Variants in RTN4RL2 observed in about 807,000 individuals in gnomAD.
RTN4RL2 encodes the protein reticulon-4 receptor-like 2.
Under a neutral mutation model 27.8 loss-of-function variants are expected in RTN4RL2, and 9 were observed. That is an observed-to-expected ratio of 0.32 (90% CI 0.20 to 0.57). The LOEUF (loss-of-function observed/expected upper bound fraction) is 0.57, where lower values mean the gene tolerates loss of function less well. Ranked by LOEUF, RTN4RL2 falls within the 20% of genes least tolerant of loss-of-function variation. RTN4RL2 has a pLI of 0.90. For synonymous variants in RTN4RL2, 285 were observed against 297.9 expected, an observed-to-expected ratio of 0.96 and a Z score of 0.45; for missense variants, 436 against 596.8, an observed-to-expected ratio of 0.73 and a Z score of 2.81.
At chr11:57,468,496 G>C in intron 2 of RTN4RL2, 4 of 1,402,780 alleles carry the variant, frequency 2.9e-6, no homozygotes, top group Non-Finnish European at 3.9e-6. Flanking sequence ...GTCTGTCTGC[G>C]TGTGTGTATC....
rs768394033 is a variant in RTN4RL2, at chr11:57,476,658, C to T, written c.1010C>T (p.Ala337Val). ...SSNHLYGVAE[A>V]GAPPADPSTL... is the part of the protein sequence containing the mutation. The stretch of plus-strand genomic sequence containing the variant: ...AACCACCTGTACGGGGTGGCCGAGG[C>T]CGGGGCGCCCCCAGCCGATCCCTCC... The change falls in exon 3 of 3, where the codon GCC (alanine) becomes GTC (valine). Residue 337 changes from alanine (A) to valine (V), a missense_variant. Ala to Val is a moderately conservative substitution (Grantham distance 64). Around this residue, in one of 3 missense-constraint regions of RTN4RL2, gnomAD observed 365 missense variants for 530.5 expected, o/e 0.69. Transcript: ENST00000335099. This position sits in a 1 kb window ranked among gnomAD's most constrained non-coding sequence, Gnocchi z 8.2. 4 of 1,408,070 alleles carry T rather than the reference C, an allele frequency of 2.8e-6. No homozygotes were observed. The highest frequency in any genetic ancestry group is 3.7e-6 in the Non-Finnish European group (4 of 1,089,464). 87.2% of individuals were successfully genotyped at this position (1,408,070 alleles called of 1,614,324 possible). A position where few individuals can be genotyped will look rare whatever the true frequency, so the allele number is the denominator to read the frequency against.
At chr11:57,471,684 G>A (rs1220526142) in intron 2 of RTN4RL2, among the ~76,000 whole-genome samples, 2 of 152,224 alleles carry the variant, frequency 1.3e-5, no homozygotes, top group Non-Finnish European at 2.9e-5. Context: ...GAATGGGGAA[G>A]GGCCAGGCAC....
At position 57,460,565 on chromosome 11, in the gene RTN4RL2, C is replaced by T. The variant is rs746005054; in HGVS notation, c.-301C>T. 37 of 166,012 alleles carry T rather than the reference C, an allele frequency of 2.2e-4. No individual in the cohort carries two copies. The highest frequency in any genetic ancestry group is 3.7e-4 in the Non-Finnish European group (29 of 77,402). The allele number at this position is 166,012 out of a possible 1,614,324, so 10.3% of individuals were successfully genotyped here. ...CTAGCAGCCTGGGCACACGGACAGA[C>T]GGACTGACGGACTCTCGAGCGGACA... On this transcript the variant is annotated 5_prime_UTR_variant, in exon 1 of 3. In the 5' UTR this introduces an upstream ATG that the reference lacks. Coordinates refer to ENST00000335099, the MANE Select transcript of RTN4RL2 (RefSeq NM_178570.3).
At chr11:57,463,206 G>T (rs1030604763) in intron 1 of RTN4RL2, among the ~76,000 whole-genome samples, 17 of 152,200 alleles carry the variant, frequency 1.1e-4, no homozygotes, top group African/African-American at 4.1e-4. Flanking sequence ...CAAATTGGGG[G>T]CCACAATATT....
chr11:57,465,767 G>GC (rs1199659778), intron 1 of RTN4RL2, among the ~76,000 whole-genome samples: 1 of 151,536 alleles, frequency 6.6e-6, no homozygotes, highest in African/African-American at 2.4e-5. Flanking sequence ...CCACTCTCTA[G>GC]CCCCCAGGCT....
At chr11:57,472,557 C>A (rs779043125) in intron 2 of RTN4RL2, among the ~76,000 whole-genome samples, 40 of 152,204 alleles carry the variant, frequency 2.6e-4, no homozygotes, top group Non-Finnish European at 5.0e-4. Context: ...CAGATCAGAT[C>A]TCAGTTTGAA....
At chr11:57,466,110 C>A (rs533320145) in intron 1 of RTN4RL2, among the ~76,000 whole-genome samples, 4 of 148,016 alleles carry the variant, frequency 2.7e-5, no homozygotes, top group Non-Finnish European at 5.9e-5. Context: ...ACACCATTAT[C>A]GTGTCTCAGC....
Position 57,477,096 on chromosome 11 carries a change from T to G in RTN4RL2, c.*185T>G. ...CTGCCCCCTGGGCTGTCCTGACTTG[T>G]GGCAGCCCCAAGAGGGCGTGTGTGG... is the stretch of plus-strand genomic sequence containing the variant. On this transcript the variant is annotated 3_prime_UTR_variant, in exon 3 of 3. Coordinates refer to ENST00000335099, the MANE Select transcript of RTN4RL2 (RefSeq NM_178570.3). 1.8e-6 allele frequency: 1 copy of G among 549,568 alleles called. No individual in the cohort carries two copies. The highest frequency in any genetic ancestry group is 3.0e-6 in the Non-Finnish European group (1 of 327,870). The allele number at this position is 549,568 out of a possible 1,614,324, so 34.0% of individuals were successfully genotyped here. A position where few individuals can be genotyped will look rare whatever the true frequency, so the allele number is the denominator to read the frequency against.
rs1430847207 is a variant in RTN4RL2 at position 57,467,746 on chromosome 11, T to C, written c.169T>C (p.Ser57Pro). Reference sequence around the variant, plus strand: ...CAACAACTTCTCCTCTGTGCCGCTGTCCCTGCCACCCAGCACTCAGCGACT... The same window carrying C: ...CAACAACTTCTCCTCTGTGCCGCTGCCCCTGCCACCCAGCACTCAGCGACT... ...QANNFSSVPL[S>P]LPPSTQRLFL... The change falls in exon 2 of 3, where the codon TCC (serine) becomes CCC (proline). Residue 57 changes from serine to proline, a missense_variant. Coordinates refer to ENST00000335099, the MANE Select transcript of RTN4RL2 (RefSeq NM_178570.3). The surrounding 1 kb of genome is among the most constrained non-coding windows in gnomAD (Gnocchi z 5.5). The C allele has an allele frequency of 1.2e-6, 2 of 1,613,550 alleles. No individual in the cohort carries two copies. Among genetic ancestry groups the C allele is most frequent in the Admixed American group, 3.3e-5 (2 of 59,970 alleles).
At chr11:57,468,858 GTTA>G (rs1218538912) in intron 2 of RTN4RL2, 2 of 927,718 alleles carry the variant, frequency 2.2e-6, no homozygotes, top group South Asian at 1.4e-5. Flanking sequence ...GTTATTCATT[GTTA>G]TTATTATTGA....
intron 1 of RTN4RL2, among the ~76,000 whole-genome samples, chr11:57,466,146 G>T (rs534261834): frequency 6.6e-6 from 1 of 151,638 alleles, no homozygotes; most frequent in African/African-American, 2.4e-5. Context: ...GACTACAGGC[G>T]CCCGCCACCA....
At chr11:57,474,653 G>A (rs1002934621) in intron 2 of RTN4RL2, among the ~76,000 whole-genome samples, 1 of 152,198 alleles carries the variant, frequency 6.6e-6, no homozygotes, top group Non-Finnish European at 1.5e-5. Flanking sequence ...TCCCTCTCTG[G>A]CAAGCCCTTA....
At position 57,476,480 on chromosome 11, in the gene RTN4RL2, C is replaced by T. The variant is rs746129231; in HGVS notation, c.832C>T (p.Arg278Cys). 2 of 1,512,018 alleles carry T rather than the reference C, an allele frequency of 1.3e-6. No individual in the cohort carries two copies. The highest frequency in any genetic ancestry group is 1.4e-5 in the African/African-American group (1 of 69,556). 93.7% of individuals were successfully genotyped at this position (1,512,018 alleles called of 1,614,324 possible). The change falls in exon 3 of 3, where the codon CGC becomes TGC. Residue 278 changes from arginine (R) to cysteine (C), a missense_variant. Coordinates refer to ENST00000335099, the MANE Select transcript of RTN4RL2 (RefSeq NM_178570.3). The surrounding 1 kb of genome is among the most constrained non-coding windows in gnomAD (Gnocchi z 8.2). The part of the protein sequence containing the change: ...RARPLWAWFQ[R>C]ARVSSSDVTC... Reference sequence around the variant, plus strand: ...GCGGCCGCTCTGGGCCTGGTTCCAGCGCGCGCGCGTGTCCAGCTCCGACGT... The same window carrying T: ...GCGGCCGCTCTGGGCCTGGTTCCAGTGCGCGCGCGTGTCCAGCTCCGACGT...
chr11:57,464,713 T>C (rs1188834380), intron 1 of RTN4RL2, among the ~76,000 whole-genome samples: 2 of 152,086 alleles, frequency 1.3e-5, no homozygotes, highest in East Asian at 1.9e-4. Context: ...CTTTGCGGCT[T>C]TGAAATCTCC....
At chr11:57,466,534 C>T (rs73476769) in intron 1 of RTN4RL2, among the ~76,000 whole-genome samples, 4,047 of 152,296 alleles carry the variant, frequency 0.027, 202 homozygotes, top group African/African-American at 0.092. Flanking sequence ...GTGTAAAATG[C>T]AGATTCCCAG....
At chr11:57,466,402 C>G (rs1226074592) in intron 1 of RTN4RL2, among the ~76,000 whole-genome samples, 1 of 152,162 alleles carries the variant, frequency 6.6e-6, no homozygotes, top group Non-Finnish European at 1.5e-5. Flanking sequence ...CCCAAGTGAT[C>G]CAAGCTGCAA....
At chr11:57,462,391 C>A (rs534748529) in intron 1 of RTN4RL2, among the ~76,000 whole-genome samples, 9 of 152,326 alleles carry the variant, frequency 5.9e-5, no homozygotes, top group African/African-American at 1.9e-4. Context: ...CAGGCCCCAG[C>A]CCTTCCCTGA....
chr11:57,461,913 G>T (rs1311611657), intron 1 of RTN4RL2, among the ~76,000 whole-genome samples: 1 of 152,028 alleles, frequency 6.6e-6, no homozygotes, highest in Non-Finnish European at 1.5e-5. Context: ...GGGATTGGGG[G>T]TGCTGCCCAG....
chr11:57,467,568 C>A lies in RTN4RL2; in HGVS notation c.32-41C>A. The stretch of plus-strand genomic sequence containing the variant: ...CTGGCCCCCAGCTGGCACTCCTGCC[C>A]TGGAAGCCCACCTAGTAAGTTCTGC... On this transcript the variant is annotated intron_variant, in intron 1 of 2. Transcript: ENST00000335099. This position sits in a 1 kb window ranked among gnomAD's most constrained non-coding sequence, Gnocchi z 5.5. The A allele has an allele frequency of 6.4e-7, 1 of 1,561,964 alleles. No homozygotes were observed.
Sources: gnomAD v4.1 joint callset for allele counts (sites outside exome capture counted in the v4.1 genomes callset) on GRCh38, gnomAD v4.1.1 for gene constraint, gnomAD v4.1.1 regional missense constraint, Gnocchi (gnomAD v3.1) non-coding constraint, MANE v1.5 for transcripts, NCBI Gene and HGNC (gene_info 2026-07-23, HGNC 2026-07-21) for gene names.